Variants in OSBPL5 observed in about 807,000 individuals in gnomAD.
OSBPL5 encodes the protein oxysterol binding protein like 5.
In OSBPL5, 71 loss-of-function variants were observed where a neutral mutation model predicts 111.2. That is an observed-to-expected ratio of 0.64 (90% CI 0.53 to 0.78). The LOEUF (loss-of-function observed/expected upper bound fraction) is 0.78. Among genes scored for constraint, OSBPL5 ranks in the 30% least tolerant of loss-of-function variants. OSBPL5 has a pLI of 0.00. For missense variants in OSBPL5, 1,210 were observed against 1,189.3 expected (o/e 1.02, Z -0.26); for synonymous variants, 549 against 513.9 (o/e 1.07, Z -0.93).
chr11:3,136,800 G>C (rs753211991), intron 1 of OSBPL5, among the ~76,000 whole-genome samples: 8 of 152,252 alleles, frequency 5.3e-5, no homozygotes, highest in Non-Finnish European at 7.3e-5. Flanking sequence ...TGGGGGCAGA[G>C]AGGAGGCTCT....
At chr11:3,096,402 T>G (rs1485944851) in intron 14 of OSBPL5, among the ~76,000 whole-genome samples, 1 of 152,116 alleles carries the variant, frequency 6.6e-6, no homozygotes, top group African/African-American at 2.4e-5. Context: ...GCTGATCACC[T>G]GAGGGCAGGA....
Position 3,149,778 on chromosome 11 carries a change from C to T in OSBPL5, c.-22+15438G>A, listed in dbSNP as rs531755075. On this transcript the variant is annotated intron_variant, in intron 1 of 21. Transcript: ENST00000263650. ...CACTGACCAGTCAACGGGTGGTCAC[C>T]GCCCTGGCAGGCACCACGTAGCCCG... Among the ~76,000 whole-genome samples, 29 of 152,352 alleles carry T rather than the reference C, an allele frequency of 1.9e-4. 1 individual carries two copies. The East Asian group carries it at 2.1e-3, about 11-fold the overall frequency.
rs542323041 is a variant in OSBPL5, at chr11:3,142,133, G to C, written c.-21-12964C>G. On this transcript the variant is annotated intron_variant, in intron 1 of 21. Coordinates refer to ENST00000263650, the MANE Select transcript of OSBPL5 (RefSeq NM_020896.4). This position sits in a 1 kb window ranked among gnomAD's most constrained non-coding sequence, Gnocchi z 7.1. Reference sequence around the variant, plus strand: ...ATGGTTTCACCATGTTGGCCAGGCTGGTCTCCAACTCCCGACCTCAAGTGA... The same window carrying C: ...ATGGTTTCACCATGTTGGCCAGGCTCGTCTCCAACTCCCGACCTCAAGTGA... 6.6e-5 allele frequency among the ~76,000 whole-genome samples: 10 copies of C among 152,318 alleles called. No homozygotes were observed. The East Asian group carries it at 1.7e-3, about 26-fold the overall frequency.
At chr11:3,129,806 C>T (rs1317918898) in intron 1 of OSBPL5, among the ~76,000 whole-genome samples, 1 of 152,236 alleles carries the variant, frequency 6.6e-6, no homozygotes, top group East Asian at 1.9e-4. Context: ...CACAGCCAGG[C>T]ACACCTGCGT....
chr11:3,144,526 G>A (rs1157546295), intron 1 of OSBPL5, among the ~76,000 whole-genome samples: 1 of 152,220 alleles, frequency 6.6e-6, no homozygotes, highest in Non-Finnish European at 1.5e-5. Flanking sequence ...CCTCTGCAGG[G>A]GAGTGCGGGC....
At chr11:3,128,133 C>T (rs930134972) in intron 2 of OSBPL5, among the ~76,000 whole-genome samples, 3 of 152,230 alleles carry the variant, frequency 2.0e-5, no homozygotes, top group Non-Finnish European at 4.4e-5. Context: ...GCTGGGACTC[C>T]GTTTTTCCAT....
In OSBPL5 at chr11:3,110,211, G is replaced by A. The variant is rs915788975; in HGVS notation, c.692-2266C>T. 2.0e-5 allele frequency among the ~76,000 whole-genome samples: 3 copies of A among 152,188 alleles called. No homozygotes were observed. The highest frequency in any genetic ancestry group is 1.5e-5 in the Non-Finnish European group (1 of 68,028). ...CAGACTGCTTTAGGTCTGCACCACC[G>A]GCGGGATGGGAGCCCTTCACCCCAC... is the stretch of plus-strand genomic sequence containing the variant. On this transcript the variant is annotated intron_variant, in intron 7 of 21. Transcript: ENST00000263650. This position sits in a 1 kb window ranked among gnomAD's most constrained non-coding sequence, Gnocchi z 5.3.
rs1395709721 is a variant in OSBPL5, at chr11:3,088,113, C to T, written c.*92G>A. On this transcript the variant is annotated 3_prime_UTR_variant, in exon 22 of 22. Coordinates refer to ENST00000263650, the MANE Select transcript of OSBPL5 (RefSeq NM_020896.4). ...TCCCCGTCACAGTGGCTGTGCTTGC[C>T]GGGCCTCTCTGCCTCCATGGAGCAG... 13 of 1,251,948 alleles carry T rather than the reference C, an allele frequency of 1.0e-5. No homozygotes were observed. Among genetic ancestry groups the T allele is most frequent in the Admixed American group, 3.1e-5 (1 of 32,276 alleles). 77.6% of individuals were successfully genotyped at this position (1,251,948 alleles called of 1,614,324 possible). A position where few individuals can be genotyped will look rare whatever the true frequency, so the allele number is the denominator to read the frequency against.
intron 21 of OSBPL5, among the ~76,000 whole-genome samples, chr11:3,089,587 C>A (rs183973143): frequency 6.1e-4 from 93 of 152,322 alleles, no homozygotes; most frequent in African/African-American, 2.2e-3. Flanking sequence ...CTCTAGGCTT[C>A]AGGACATCTC....
At chr11:3,148,221 T>C (rs1846432787) in intron 1 of OSBPL5, among the ~76,000 whole-genome samples, 1 of 152,226 alleles carries the variant, frequency 6.6e-6, no homozygotes, top group East Asian at 1.9e-4. Context: ...TTAGTTGTCT[T>C]TTGGGAAGGT....
At position 3,145,319 on chromosome 11, in the gene OSBPL5, G is replaced by A. The variant is rs538428264; in HGVS notation, c.-21-16150C>T. On this transcript the variant is annotated intron_variant, in intron 1 of 21. Transcript: ENST00000263650. ...CCTGCCCCTCCCTCCACCACCAGCT[G>A]TGCCACCTCAGCAGGGCCCACAATT... Among the ~76,000 whole-genome samples the A allele has an allele frequency of 2.2e-3, 331 of 152,240 alleles. 2 individuals carry two copies. Among genetic ancestry groups the A allele is most frequent in the African/African-American group, 7.8e-3 (322 of 41,542 alleles).
At chr11:3,133,985 G>C (rs1017219434) in intron 1 of OSBPL5, among the ~76,000 whole-genome samples, 1 of 151,924 alleles carries the variant, frequency 6.6e-6, no homozygotes, top group Admixed American at 6.5e-5. Flanking sequence ...GGCTTGGTGG[G>C]GGGGGGGTCA....
At position 3,092,475 on chromosome 11, in the gene OSBPL5, G is replaced by C. The variant is rs764453800; in HGVS notation, c.2216C>G (p.Ala739Gly). Residue 739 changes from alanine (A) to glycine (G), a missense_variant, in exon 19 of 22, where the codon GCC becomes GGC. Transcript: ENST00000263650. This position sits in a 1 kb window ranked among gnomAD's most constrained non-coding sequence, Gnocchi z 5.4. ...GCTGCCCAGGAAGGTGGTCTGGCGGGCCACGGCCTCCTGCTGCAAGGTCCG... is the reference window on the plus strand; with the variant it reads ...GCTGCCCAGGAAGGTGGTCTGGCGGCCCACGGCCTCCTGCTGCAAGGTCCG... Reference protein sequence around the residue: ...ILRTLQQEAVARQTTFLGSPG... With the variant: ...ILRTLQQEAVGRQTTFLGSPG... 1.7e-5 allele frequency: 26 copies of C among 1,575,276 alleles called. No individual in the cohort carries two copies. Among genetic ancestry groups the C allele is most frequent in the Non-Finnish European group, 2.2e-5 (26 of 1,160,974 alleles).
chr11:3,118,417 C>G (rs1453726766), intron 7 of OSBPL5, among the ~76,000 whole-genome samples: 3 of 152,164 alleles, frequency 2.0e-5, no homozygotes, highest in African/African-American at 4.8e-5. Context: ...CTTTCCAGAC[C>G]GAACCAATGT....
chr11:3,139,660 C>T (rs890830049), intron 1 of OSBPL5, among the ~76,000 whole-genome samples: 3 of 151,736 alleles, frequency 2.0e-5, no homozygotes, highest in Non-Finnish European at 2.9e-5. Context: ...TGCTGCCTTG[C>T]TCTATGGGGA....
At chr11:3,091,030 C>T (rs929733874) in intron 19 of OSBPL5, among the ~76,000 whole-genome samples, 59 of 152,170 alleles carry the variant, frequency 3.9e-4, no homozygotes, top group African/African-American at 1.4e-3. Flanking sequence ...CATGGGGGGC[C>T]GAGGGTGGTT....
chr11:3,135,130 G>A (rs908173348), intron 1 of OSBPL5, among the ~76,000 whole-genome samples: 2 of 152,222 alleles, frequency 1.3e-5, no homozygotes, highest in Non-Finnish European at 2.9e-5. Context: ...GACCGCCCCC[G>A]TGCGTCTCTT....
rs369195721 is a variant in OSBPL5, at chr11:3,088,356, G to A, written c.2502-13C>T. ...GGCCGAGAGGTGCCTGCAAGGACAG[G>A]CGACAGATCGTGGGGGCTGTGCCAA... On this transcript the variant is annotated splice_polypyrimidine_tract_variant and intron_variant, in intron 21 of 21. Coordinates refer to ENST00000263650, the MANE Select transcript of OSBPL5 (RefSeq NM_020896.4). 7.0e-5 allele frequency: 108 copies of A among 1,541,096 alleles called. No individual in the cohort carries two copies. Among genetic ancestry groups the A allele is most frequent in the Non-Finnish European group, 9.2e-5 (105 of 1,146,620 alleles).
At chr11:3,103,957 G>A (rs1173954948) in intron 10 of OSBPL5, among the ~76,000 whole-genome samples, 1 of 150,512 alleles carries the variant, frequency 6.6e-6, no homozygotes, top group Non-Finnish European at 1.5e-5. Context: ...GCAGGGCTCA[G>A]GGTGCATGGC....
Sources: gnomAD v4.1 joint callset for allele counts (sites outside exome capture counted in the v4.1 genomes callset) on GRCh38, gnomAD v4.1.1 for gene constraint, Gnocchi (gnomAD v3.1) non-coding constraint, MANE v1.5 for transcripts, NCBI Gene and HGNC (gene_info 2026-07-23, HGNC 2026-07-21) for gene names.